Variants in DOC2B observed in about 807,000 individuals in gnomAD.
The protein encoded by DOC2B is double C2-like domain-containing protein beta.
A neutral mutation model predicts 28.9 loss-of-function variants in DOC2B; 21 were observed. The observed-to-expected ratio is 0.73, with a 90% CI of 0.52 to 1.05. The LOEUF is 1.05. Among genes scored for constraint, DOC2B ranks in the 50% least tolerant of loss-of-function variants. The pLI is 0.00. For missense variants in DOC2B, 384 were observed against 421.1 expected (o/e 0.91, Z 0.77); for synonymous variants, 194 against 178.1 (o/e 1.09, Z -0.71).
chr17:165,690 C>G (rs1555523807), intron 2 of DOC2B, among the ~76,000 whole-genome samples: 1 of 151,950 alleles, frequency 6.6e-6, no homozygotes, highest in Non-Finnish European at 1.5e-5. Flanking sequence ...GTGGGGCTGC[C>G]TCTGGGACAG....
chr17:162,240 G>T, intron 3 of DOC2B, 50 bp from the exon 4 acceptor site: 1 of 1,384,666 alleles, frequency 7.2e-7, no homozygotes. Context: ...GTATCAAACA[G>T]AACAATGGCC....
chr17:161,383 GT>G, intron 5 of DOC2B, 31 bp downstream of exon 5: 30 of 1,550,018 alleles, frequency 1.9e-5, no homozygotes, highest in Non-Finnish European at 2.6e-5. Flanking sequence ...ACCGAGCCAG[GT>G]ACACAGCAGG....
At chr17:163,889 A>C (rs2040231735) in intron 3 of DOC2B, among the ~76,000 whole-genome samples, 1 of 152,224 alleles carries the variant, frequency 6.6e-6, no homozygotes, top group African/African-American at 2.4e-5. Flanking sequence ...ATCAGCAGGT[A>C]GGTAACGCTG....
chr17:177,514 C>T (rs965728059), intron 1 of DOC2B, among the ~76,000 whole-genome samples: 8 of 152,200 alleles, frequency 5.3e-5, no homozygotes, highest in African/African-American at 1.9e-4. Flanking sequence ...CTCTGTCAGC[C>T]CACCTCCTCC....
chr17:172,408 A>AC, intron 2 of DOC2B, 129 bp downstream of exon 2: 1 of 677,956 alleles, frequency 1.5e-6, no homozygotes, highest in Non-Finnish European at 2.4e-6. Context: ...CTGGCCCCGC[A>AC]CCCCACACAG....
chr17:155,388 AAGAT>A (rs1555522295), intron 6 of DOC2B, among the ~76,000 whole-genome samples: 1 of 152,120 alleles, frequency 6.6e-6, no homozygotes, highest in Non-Finnish European at 1.5e-5. Flanking sequence ...TCATGGTGCC[AAGAT>A]GTCCCTGAGG....
At position 147,987 on chromosome 17, in the gene DOC2B, A is replaced by C. The variant is rs897993113; in HGVS notation, c.1102+186T>G. On this transcript the variant is annotated intron_variant, in intron 8 of 8. Transcript: ENST00000613549. ...CAGAGTGCTGTGTGACCCTCCCAGAACTCCTTCCATCCCTGGGCCTGTCTC... is the reference window on the plus strand; with the variant it reads ...CAGAGTGCTGTGTGACCCTCCCAGACCTCCTTCCATCCCTGGGCCTGTCTC... Among the ~76,000 whole-genome samples, 352 of 151,560 alleles carry C rather than the reference A, an allele frequency of 2.3e-3. 2 individuals carry two copies. The highest frequency in any genetic ancestry group is 8.4e-3 in the African/African-American group (346 of 41,268).
Position 156,389 on chromosome 17 carries a change from G to T in DOC2B, c.766-12C>A. ...TCAGTCTTGTCCACCTGTTGGACGG[G>T]ACGGTCACTCAGTCCTCACCTGCTC... is the stretch of plus-strand genomic sequence containing the variant. On this transcript the variant is annotated splice_polypyrimidine_tract_variant and intron_variant, in intron 5 of 8. Transcript: ENST00000613549. The T allele has an allele frequency of 1.3e-6, 2 of 1,551,046 alleles. No homozygotes were observed. The highest frequency in any genetic ancestry group is 1.7e-6 in the Non-Finnish European group (2 of 1,146,842).
Position 161,453 on chromosome 17 carries a change from T to C in DOC2B, c.727A>G (p.Thr243Ala). 6.4e-7 allele frequency: 1 copy of C among 1,551,602 alleles called. No individual in the cohort carries two copies. Among genetic ancestry groups the C allele is most frequent in the Non-Finnish European group, 8.7e-7 (1 of 1,146,954 alleles). The change falls in exon 5 of 9, where the codon ACC (threonine) becomes GCC (alanine). Residue 243 changes from threonine (T) to alanine (A), a missense_variant. Transcript: ENST00000613549. ...TCCAGGCAGATGCTGAAGGTCTTGG[T>C]GTGGTTGGGTTTCAGCTTCTTCAGG... is the stretch of plus-strand genomic sequence containing the variant. ...VPLKKLKPNH[T>A]KTFSICLEKQ...
chr17:149,894 C>T (rs2040053891), intron 6 of DOC2B, among the ~76,000 whole-genome samples: 2 of 152,200 alleles, frequency 1.3e-5, no homozygotes, highest in African/African-American at 4.8e-5. Flanking sequence ...ACGCAGTAGC[C>T]TTTAGTAGAC....
intron 1 of DOC2B, among the ~76,000 whole-genome samples, chr17:173,814 C>G (rs2040339506): frequency 6.6e-6 from 1 of 152,088 alleles, no homozygotes; most frequent in Non-Finnish European, 1.5e-5. Context: ...GGTGTGATCC[C>G]GGGATAAGGG....
Position 148,214 on chromosome 17 carries a change from G to T in DOC2B, c.1061C>A (p.Thr354Asn), listed in dbSNP as rs1271274008. ...TTTTCCAATGTCGTAATCCCAAACG[G>T]TGACCTCCAGGGACTTCTTGGCCAG... ...GDLAKKSLEV[T>N]VWDYDIGKSN... Residue 354 changes from threonine (T) to asparagine (N), a missense_variant, in exon 8 of 9, where the codon ACC becomes AAC. By Grantham distance (65) the Thr-to-Asn change is moderately conservative. Coordinates refer to ENST00000613549, the MANE Select transcript of DOC2B (RefSeq NM_003585.5). 2.5e-6 allele frequency: 1 copy of T among 398,518 alleles called. No homozygotes were observed. The highest frequency in any genetic ancestry group is 4.4e-6 in the Non-Finnish European group (1 of 226,116). The allele number at this position is 398,518 out of a possible 1,614,324, so 24.7% of individuals were successfully genotyped here. A position where few individuals can be genotyped will look rare whatever the true frequency, so the allele number is the denominator to read the frequency against.
chr17:148,820 C>A (rs2040042853), intron 7 of DOC2B, among the ~76,000 whole-genome samples: 1 of 152,108 alleles, frequency 6.6e-6, no homozygotes, highest in Non-Finnish European at 1.5e-5. Context: ...TCCCCTTGCC[C>A]CACACAGAGT....
intron 5 of DOC2B, 28 bp from the exon 6 acceptor site, chr17:156,405 T>TCACCTGCTCC: frequency 3.2e-6 from 5 of 1,548,122 alleles, no homozygotes; most frequent in Non-Finnish European, 4.4e-6. Context: ...CACTCAGTCC[T>TCACCTGCTCC]CACCTGCTCC....
intron 7 of DOC2B, among the ~76,000 whole-genome samples, chr17:148,817 G>A (rs2040042826): frequency 6.6e-6 from 1 of 151,772 alleles, no homozygotes; most frequent in Non-Finnish European, 1.5e-5. Flanking sequence ...GAGTCCCCTT[G>A]CCCCACACAG....
Position 143,728 on chromosome 17 carries a change from T to C in DOC2B, c.*3713A>G, listed in dbSNP as rs2039999222. Reference sequence around the variant, plus strand: ...ACGTTTCCATTTACTTTGGATTATATGTCATTATAAATATTAACAAATAAG... The same window carrying C: ...ACGTTTCCATTTACTTTGGATTATACGTCATTATAAATATTAACAAATAAG... On this transcript the variant is annotated 3_prime_UTR_variant, in exon 9 of 9. Transcript: ENST00000613549. The C allele has an allele frequency of 6.6e-6, 1 of 152,128 alleles. No individual in the cohort carries two copies. The highest frequency in any genetic ancestry group is 1.5e-5 in the Non-Finnish European group (1 of 68,022). The allele number at this position is 152,128 out of a possible 1,614,324, so 9.4% of individuals were successfully genotyped here.
chr17:158,410 C>T (rs1242800091), intron 5 of DOC2B, among the ~76,000 whole-genome samples: 2 of 152,174 alleles, frequency 1.3e-5, no homozygotes, highest in Admixed American at 1.3e-4. Context: ...CCCTGCCTAA[C>T]ACCAAAGTGA....
chr17:174,355 G>A (rs998303024), intron 1 of DOC2B, among the ~76,000 whole-genome samples: 1 of 152,226 alleles, frequency 6.6e-6, no homozygotes. Flanking sequence ...CCACCTCACA[G>A]CACAGTGTGC....
intron 5 of DOC2B, among the ~76,000 whole-genome samples, chr17:158,600 TTTCAACACAGTGCTCAGGCAGCCA>T (rs1174125754): frequency 1.3e-5 from 2 of 152,314 alleles, no homozygotes; most frequent in Non-Finnish European, 2.9e-5. Flanking sequence ...TCAGAATCCT[TTTCAACACAGTGCTCAGGCAGCCA>T]TTCCTGGTGG....
Sources: allele counts gnomAD v4.1 joint callset (sites outside exome capture counted in the v4.1 genomes callset), GRCh38; gene constraint gnomAD v4.1.1; transcripts MANE v1.5; gene names NCBI Gene and HGNC (gene_info 2026-07-23, HGNC 2026-07-21).